PELO: variants seen among roughly 807,000 people sequenced by gnomAD.
PELO encodes pelota mRNA surveillance and ribosome rescue factor, also known as protein pelota homolog.
A neutral mutation model predicts 25.9 loss-of-function variants in PELO; 19 were observed. That is an observed-to-expected ratio of 0.73 (90% CI 0.51 to 1.08). The LOEUF (loss-of-function observed/expected upper bound fraction) is 1.08. Ranked by LOEUF, PELO falls within the 50% of genes least tolerant of loss-of-function variation. PELO has a pLI of 0.00. For synonymous variants in PELO, 196 were observed against 192.2 expected, an observed-to-expected ratio of 1.02 and a Z score of -0.16; for missense variants, 498 against 491.4, an observed-to-expected ratio of 1.01 and a Z score of -0.13.
chr5:52,799,226 T>C (rs1748404588), intron 1 of PELO, among the ~76,000 whole-genome samples: 1 of 152,202 alleles, frequency 6.6e-6, no homozygotes, highest in African/African-American at 2.4e-5. Context: ...ATCCCACTTC[T>C]CCATTTCCAC....
At chr5:52,797,870 G>A (rs1247320384) in intron 1 of PELO, among the ~76,000 whole-genome samples, 1 of 152,172 alleles carries the variant, frequency 6.6e-6, no homozygotes, top group Non-Finnish European at 1.5e-5. Flanking sequence ...ATACGTGATA[G>A]CTCTTCAATA....
intron 1 of PELO, among the ~76,000 whole-genome samples, chr5:52,799,426 T>A (rs1748408223): frequency 6.6e-6 from 1 of 152,188 alleles, no homozygotes; most frequent in African/African-American, 2.4e-5. Flanking sequence ...CACAGGCTAC[T>A]GGGCTGCGGA....
Position 52,801,919 on chromosome 5 carries a change from A to G in PELO, c.*79A>G. 1 of 1,129,230 alleles carries G rather than the reference A, an allele frequency of 8.9e-7. No homozygotes were observed. The highest frequency in any genetic ancestry group is 1.2e-6 in the Non-Finnish European group (1 of 807,820). The allele number at this position is 1,129,230 out of a possible 1,614,324, so 70.0% of individuals were successfully genotyped here. On this transcript the variant is annotated 3_prime_UTR_variant, in exon 3 of 3. Transcript: ENST00000274311. ...ATTTCTCAGCATCCTTGTGACAGAA[A>G]GCTGCAAGAATGGCACTTTTTGATT... is the stretch of plus-strand genomic sequence containing the variant.
chr5:52,797,300 G>C (rs117677746), intron 1 of PELO, among the ~76,000 whole-genome samples: 1 of 152,058 alleles, frequency 6.6e-6, no homozygotes, highest in East Asian at 1.9e-4. Flanking sequence ...GCCCAAAGTG[G>C]TTTGCCTCAT....
chr5:52,797,554 T>C (rs1165517777), intron 1 of PELO, among the ~76,000 whole-genome samples: 1 of 152,114 alleles, frequency 6.6e-6, no homozygotes, highest in Non-Finnish European at 1.5e-5. Context: ...TCAAATCCTC[T>C]AGGTTGGTTC....
chr5:52,798,107 C>CT (rs199573378), intron 1 of PELO, among the ~76,000 whole-genome samples: 2,596 of 152,278 alleles, frequency 0.017, 43 homozygotes, highest in Admixed American at 0.046. Context: ...TAACAAGATA[C>CT]TTTTTTTAAA....
At chr5:52,792,396 G>A (rs1038717597) in intron 1 of PELO, among the ~76,000 whole-genome samples, 1 of 152,148 alleles carries the variant, frequency 6.6e-6, no homozygotes, top group Non-Finnish European at 1.5e-5. Context: ...GTTTGTAAAG[G>A]CAGCAATGAA....
chr5:52,788,442 C>G (rs573041807), intron 1 of PELO, 28 bp downstream of exon 1: 70 of 1,482,042 alleles, frequency 4.7e-5, no homozygotes, highest in Admixed American at 7.0e-5. Flanking sequence ...CTCTGAGCAT[C>G]TCCTGCTCGC....
Position 52,788,349 on chromosome 5 carries a change from C to G in PELO, c.-576C>G. 6.6e-7 allele frequency: 1 copy of G among 1,505,280 alleles called. No individual in the cohort carries two copies. Among genetic ancestry groups the G allele is most frequent in the Non-Finnish European group, 8.8e-7 (1 of 1,131,978 alleles). The allele number at this position is 1,505,280 out of a possible 1,614,324, so 93.2% of individuals were successfully genotyped here. On this transcript the variant is annotated 5_prime_UTR_variant, in exon 1 of 3. Transcript: ENST00000274311. ...CGGCCCCCTGGCGCTGAGGCTGCTC[C>G]GGCCATGGCCCCTCGGCCCCGCGCC...
intron 1 of PELO, among the ~76,000 whole-genome samples, chr5:52,790,118 G>A (rs533202073): frequency 1.6e-4 from 24 of 152,102 alleles, no homozygotes; most frequent in African/African-American, 3.9e-4. Context: ...TTCAGAGTCC[G>A]TTTGTAACCT....
Position 52,802,019 on chromosome 5 carries a change from C to A in PELO, c.*179C>A. 1.9e-6 allele frequency: 1 copy of A among 540,480 alleles called. No individual in the cohort carries two copies. Among genetic ancestry groups the A allele is most frequent in the African/African-American group, 1.9e-5 (1 of 52,790 alleles). 33.5% of individuals were successfully genotyped at this position (540,480 alleles called of 1,614,324 possible). ...GCAAGACATGTATTTAAACAATAAA[C>A]TAAAAGGAAATAATCTCCACGTACT... On this transcript the variant is annotated 3_prime_UTR_variant, in exon 3 of 3. Transcript: ENST00000274311.
Position 52,788,302 on chromosome 5 carries a change from G to A in PELO, c.-623G>A. ...GCCAGAGAGCGCAGCTCCCGCGCCCGGTCCTGCCCTGCGAACCAGCGCGGC... is the reference window on the plus strand; with the variant it reads ...GCCAGAGAGCGCAGCTCCCGCGCCCAGTCCTGCCCTGCGAACCAGCGCGGC... On this transcript the variant is annotated 5_prime_UTR_variant, in exon 1 of 3. Transcript: ENST00000274311. The A allele has an allele frequency of 2.9e-6, 4 of 1,392,796 alleles. No homozygotes were observed. The highest frequency in any genetic ancestry group is 3.7e-6 in the Non-Finnish European group (4 of 1,067,120). 86.3% of individuals were successfully genotyped at this position (1,392,796 alleles called of 1,614,324 possible).
chr5:52,789,771 T>G (rs1350040835), intron 1 of PELO, among the ~76,000 whole-genome samples: 1 of 152,248 alleles, frequency 6.6e-6, no homozygotes, highest in African/African-American at 2.4e-5. Flanking sequence ...CTGAATACAG[T>G]AGTTTACTAT....
Position 52,800,517 on chromosome 5 carries a change from C to T in PELO, c.123C>T (p.Ala41=), listed in dbSNP as rs1748448430. 5 of 1,614,122 alleles carry T rather than the reference C, an allele frequency of 3.1e-6. No homozygotes were observed. Among genetic ancestry groups the T allele is most frequent in the Admixed American group, 3.3e-5 (2 of 60,028 alleles). The part of the protein sequence containing the change: ...NLVQVGDSLR[A]STIRKVQTES... ...TGCAGGTGGGCGACAGCCTGCGCGC[C>T]TCCACCATCCGCAAGGTACAGACAG... The change falls in exon 2 of 3, where the codon GCC becomes GCT. Residue 41 remains alanine, a synonymous_variant. Coordinates refer to ENST00000274311, the MANE Select transcript of PELO (RefSeq NM_015946.5).
In PELO at chr5:52,796,423, G is replaced by A. The variant is rs1748344923; in HGVS notation, c.-510-3462G>A. On this transcript the variant is annotated intron_variant, in intron 1 of 2. Coordinates refer to ENST00000274311, the MANE Select transcript of PELO (RefSeq NM_015946.5). ...ACTGATATAAAGTTACTGATATAAA[G>A]TTTTCTATTTTAAACAGCCAATACA... Among the ~76,000 whole-genome samples the A allele has an allele frequency of 2.0e-5, 3 of 152,024 alleles. No homozygotes were observed. The South Asian group carries it at 6.2e-4, about 31-fold the overall frequency.
Position 52,800,308 on chromosome 5 carries a change from T to A in PELO, c.-87T>A. On this transcript the variant is annotated 5_prime_UTR_variant, in exon 2 of 3. Coordinates refer to ENST00000274311, the MANE Select transcript of PELO (RefSeq NM_015946.5). ...TAGAAACCGGGCCCCGCCCCCTTCC[T>A]GGCCTGCATTCCCATCCCCTCTCCC... The A allele has an allele frequency of 6.7e-7, 1 of 1,483,884 alleles. No homozygotes were observed. Among genetic ancestry groups the A allele is most frequent in the Admixed American group, 1.8e-5 (1 of 55,432 alleles). 91.9% of individuals were successfully genotyped at this position (1,483,884 alleles called of 1,614,324 possible). A position where few individuals can be genotyped will look rare whatever the true frequency, so the allele number is the denominator to read the frequency against.
chr5:52,791,817 G>A (rs892330979), intron 1 of PELO, among the ~76,000 whole-genome samples: 3 of 151,968 alleles, frequency 2.0e-5, no homozygotes, highest in African/African-American at 7.3e-5. Context: ...ATATTTTAGA[G>A]ATGAGGAAAT....
rs915664618 is a variant in PELO at position 52,802,048 on chromosome 5, A to G, written c.*208A>G. The G allele has an allele frequency of 1.2e-5, 6 of 486,838 alleles. No individual in the cohort carries two copies. Among genetic ancestry groups the G allele is most frequent in the African/African-American group, 5.8e-5 (3 of 51,592 alleles). 30.2% of individuals were successfully genotyped at this position (486,838 alleles called of 1,614,324 possible). On this transcript the variant is annotated 3_prime_UTR_variant, in exon 3 of 3. Transcript: ENST00000274311. ...AAGGAAATAATCTCCACGTACTACC[A>G]TCTTGATTAAATTGTGTAATTTTTT... is the stretch of plus-strand genomic sequence containing the variant.
Position 52,787,990 on chromosome 5 carries a change from T to A in PELO, c.-935T>A. 4.4e-6 allele frequency: 1 copy of A among 227,882 alleles called. No homozygotes were observed. Among genetic ancestry groups the A allele is most frequent in the Non-Finnish European group, 8.5e-6 (1 of 117,214 alleles). 14.1% of individuals were successfully genotyped at this position (227,882 alleles called of 1,614,324 possible). On this transcript the variant is annotated 5_prime_UTR_variant, in exon 1 of 3. Coordinates refer to ENST00000274311, the MANE Select transcript of PELO (RefSeq NM_015946.5). ...CCTCTCAATGAAAGGCAGATGTCCC[T>A]TTAAGGTTTGCTTCTACAGCCCGTG...
Sources: allele counts gnomAD v4.1 joint callset (sites outside exome capture counted in the v4.1 genomes callset), GRCh38; gene constraint gnomAD v4.1.1; transcripts MANE v1.5; gene names NCBI Gene and HGNC (gene_info 2026-07-23, HGNC 2026-07-21).